The following CNTNAP3 variants were observed in gnomAD, a reference collection of about 807,000 sequenced individuals.
The protein encoded by CNTNAP3 is contactin-associated protein-like 3.
Under a neutral mutation model 92.1 loss-of-function variants are expected in CNTNAP3, and 36 were observed. That is an observed-to-expected ratio of 0.39 (90% CI 0.30 to 0.52). CNTNAP3 has a LOEUF of 0.52. CNTNAP3 is among the 20% of genes least tolerant of loss of function. CNTNAP3 has a pLI of 0.76. For missense variants in CNTNAP3, 534 were observed against 1,069.6 expected (o/e 0.50, Z 6.98); for synonymous variants, 232 against 422.3 (o/e 0.55, Z 5.53).
chr9:39,077,425 C>T (rs957491691), intron 23 of CNTNAP3, among the ~76,000 whole-genome samples: 16 of 151,834 alleles, frequency 1.1e-4, no homozygotes, highest in Non-Finnish European at 2.4e-4. Context: ...GGCGTGGTGG[C>T]GGGCGCCTGT....
intron 23 of CNTNAP3, among the ~76,000 whole-genome samples, chr9:39,077,238 C>T (rs939797969): frequency 1.3e-5 from 2 of 152,136 alleles, no homozygotes; most frequent in Non-Finnish European, 2.9e-5. Flanking sequence ...GAATTATACA[C>T]TTTAAAATAA....
chr9:39,084,782 A>G (rs565370293), intron 21 of CNTNAP3, among the ~76,000 whole-genome samples: 1 of 152,098 alleles, frequency 6.6e-6, no homozygotes, highest in Non-Finnish European at 1.5e-5. Context: ...TTCAAAGTAT[A>G]AAGTGTTTTA....
intron 10 of CNTNAP3, among the ~76,000 whole-genome samples, chr9:39,148,820 G>A (rs117884107): frequency 6.6e-6 from 1 of 152,004 alleles, no homozygotes; most frequent in African/African-American, 2.4e-5. Flanking sequence ...CCACGGCGCC[G>A]GGCCAGATTA....
At position 39,138,369 on chromosome 9, in the gene CNTNAP3, C is replaced by CT. The variant is rs567689058; in HGVS notation, c.1876+2149dup. On this transcript the variant is annotated intron_variant, in intron 12 of 23. Transcript: ENST00000297668. ...CTTCACAAGAGCTTCTCAGCCCTCCCTCCCATCACCACCCTTACTTGGGGA... is the reference window on the plus strand; with the variant it reads ...CTTCACAAGAGCTTCTCAGCCCTCCCTTCCCATCACCACCCTTACTTGGGGA... Among the ~76,000 whole-genome samples, 639 of 152,274 alleles carry CT rather than the reference C, an allele frequency of 4.2e-3. 2 individuals carry two copies. The highest frequency in any genetic ancestry group is 6.7e-3 in the Non-Finnish European group (456 of 68,016).
At chr9:39,124,760 C>T (rs1236114724) in intron 13 of CNTNAP3, among the ~76,000 whole-genome samples, 4 of 152,022 alleles carry the variant, frequency 2.6e-5, no homozygotes, top group African/African-American at 9.7e-5. Context: ...TGAAAAAATG[C>T]TCATCATCAC....
At chr9:39,077,950 G>A (rs916340104) in intron 23 of CNTNAP3, among the ~76,000 whole-genome samples, 1 of 152,092 alleles carries the variant, frequency 6.6e-6, no homozygotes, top group Non-Finnish European at 1.5e-5. Flanking sequence ...TCACGCCTGT[G>A]ATCTCAGCAC....
intron 13 of CNTNAP3, among the ~76,000 whole-genome samples, chr9:39,122,532 C>T (rs1432794948): frequency 1.3e-5 from 2 of 152,006 alleles, no homozygotes; most frequent in East Asian, 1.9e-4. Flanking sequence ...AAACTCAAAA[C>T]GGAAGAAAGA....
intron 14 of CNTNAP3, among the ~76,000 whole-genome samples, chr9:39,110,372 G>A (rs955101702): frequency 6.6e-6 from 1 of 152,048 alleles, no homozygotes; most frequent in African/African-American, 2.4e-5. Flanking sequence ...CTCCAGCCTG[G>A]GTGGCAAAGT....
At chr9:39,077,479 C>T (rs62568853) in intron 23 of CNTNAP3, among the ~76,000 whole-genome samples, 45,796 of 146,256 alleles carry the variant, frequency 0.31, 3,051 homozygotes, top group African/African-American at 0.42. Flanking sequence ...ATGGCGTGAA[C>T]CCGGGAGGCG....
At chr9:39,114,551 C>T (rs1196558341) in intron 14 of CNTNAP3, among the ~76,000 whole-genome samples, 1 of 152,080 alleles carries the variant, frequency 6.6e-6, no homozygotes, top group Non-Finnish European at 1.5e-5. Flanking sequence ...TTTGTATTTA[C>T]TCGGTAAATA....
intron 21 of CNTNAP3, among the ~76,000 whole-genome samples, chr9:39,083,398 C>T (rs1432115909): frequency 6.6e-6 from 1 of 152,046 alleles, no homozygotes. Flanking sequence ...TGGTGGCTCA[C>T]ACCTGTAATC....
chr9:39,089,278 G>A (rs1826137004), intron 18 of CNTNAP3, among the ~76,000 whole-genome samples: 1 of 152,174 alleles, frequency 6.6e-6, no homozygotes, highest in South Asian at 2.1e-4. Flanking sequence ...TCCTATTCAA[G>A]AGATTTCATA....
chr9:39,075,976 A>G (rs560788201), intron 23 of CNTNAP3, among the ~76,000 whole-genome samples: 1 of 152,422 alleles, frequency 6.6e-6, no homozygotes, highest in African/African-American at 2.4e-5. Flanking sequence ...CTTCACACAA[A>G]TATTAATTTA....
chr9:39,091,105 A>C (rs1564070441), intron 18 of CNTNAP3, among the ~76,000 whole-genome samples: 1 of 152,048 alleles, frequency 6.6e-6, no homozygotes, highest in Non-Finnish European at 1.5e-5. Flanking sequence ...TTTTTATATA[A>C]AAAATCATGT....
intron 18 of CNTNAP3, among the ~76,000 whole-genome samples, chr9:39,095,115 C>T (rs571858549): frequency 6.6e-6 from 1 of 151,514 alleles, no homozygotes. Flanking sequence ...GGAATTGTTT[C>T]CTTAATCTCA....
chr9:39,065,793 T>A lies in CNTNAP3; in HGVS notation c.*8097A>T, dbSNP rs1200178931. Among the ~76,000 whole-genome samples, 1 of 152,218 alleles carries A rather than the reference T, an allele frequency of 6.6e-6. No homozygotes were observed. The highest frequency in any genetic ancestry group is 1.5e-5 in the Non-Finnish European group (1 of 68,030). ...TCGTCATTTTTTCTTATATTCATTA[T>A]TTTCATTTTATTTTTGCTAATTATT... On this transcript the variant is annotated 3_prime_UTR_variant, in exon 24 of 24. Coordinates refer to ENST00000297668, the MANE Select transcript of CNTNAP3 (RefSeq NM_033655.5).
In CNTNAP3 at chr9:39,089,401, G is replaced by T. The variant is rs1218813745; in HGVS notation, c.2996-754C>A. Among the ~76,000 whole-genome samples, 3 of 152,142 alleles carry T rather than the reference G, an allele frequency of 2.0e-5. No homozygotes were observed. The East Asian group carries it at 5.8e-4, about 29-fold the overall frequency. On this transcript the variant is annotated intron_variant, in intron 18 of 23. Coordinates refer to ENST00000297668, the MANE Select transcript of CNTNAP3 (RefSeq NM_033655.5). ...GTATCAGTATTTTATGCGTTTTATT[G>T]ACTAATATTTCATTGGATGTAAATA...
chr9:39,127,914 C>T (rs532546706), intron 13 of CNTNAP3, among the ~76,000 whole-genome samples: 1 of 152,108 alleles, frequency 6.6e-6, no homozygotes, highest in Non-Finnish European at 1.5e-5. Context: ...TCTTGGCTCA[C>T]TGCAACCTCT....
intron 13 of CNTNAP3, among the ~76,000 whole-genome samples, chr9:39,121,859 T>C (rs1821031013): frequency 6.6e-6 from 1 of 152,112 alleles, no homozygotes; most frequent in Admixed American, 6.5e-5. Context: ...GAACATTATG[T>C]TCTCTCCTTA....
Sources: allele counts gnomAD v4.1 joint callset (sites outside exome capture counted in the v4.1 genomes callset), GRCh38; gene constraint gnomAD v4.1.1; transcripts MANE v1.5; gene names NCBI Gene and HGNC (gene_info 2026-07-23, HGNC 2026-07-21).